Variants in EPB41L4A observed in about 807,000 individuals in gnomAD.
EPB41L4A encodes the protein band 4.1-like protein 4A.
Under a neutral mutation model 108.6 loss-of-function variants are expected in EPB41L4A, and 100 were observed. That is an observed-to-expected ratio of 0.92 (90% CI 0.78 to 1.09). The LOEUF (loss-of-function observed/expected upper bound fraction) is 1.09. Ranked by LOEUF, EPB41L4A falls within the 50% of genes least tolerant of loss-of-function variation. The probability of loss-of-function intolerance (pLI) is 0.00; values close to 1 mark genes in which losing one functional copy is unlikely to be tolerated. For missense variants in EPB41L4A, 1,030 were observed against 842.7 expected (o/e 1.22, Z -2.75); for synonymous variants, 319 against 289.0 (o/e 1.10, Z -1.05).
At chr5:112,309,261 G>C (rs1252406823) in intron 1 of EPB41L4A, among the ~76,000 whole-genome samples, 4 of 152,116 alleles carry the variant, frequency 2.6e-5, no homozygotes, top group Non-Finnish European at 4.4e-5. Flanking sequence ...GGTTACTCCA[G>C]AACCAATACC....
chr5:112,166,049 GAAA>G (rs1191045173), intron 22 of EPB41L4A, among the ~76,000 whole-genome samples: 2 of 152,134 alleles, frequency 1.3e-5, no homozygotes, highest in Admixed American at 6.5e-5. Context: ...AGAATTACCA[GAAA>G]AAAAGTGCTA....
At chr5:112,237,717 C>G (rs1749450937) in intron 11 of EPB41L4A, among the ~76,000 whole-genome samples, 1 of 152,198 alleles carries the variant, frequency 6.6e-6, no homozygotes, top group Non-Finnish European at 1.5e-5. Flanking sequence ...TGCTTGCCCT[C>G]TTTTGACAAT....
chr5:112,295,376 T>C (rs1428780615), intron 2 of EPB41L4A, among the ~76,000 whole-genome samples: 1 of 152,212 alleles, frequency 6.6e-6, no homozygotes, highest in Non-Finnish European at 1.5e-5. Context: ...TCCCAAAGGA[T>C]ACATGGGTAA....
chr5:112,377,580 A>G (rs908761008), intron 1 of EPB41L4A, among the ~76,000 whole-genome samples: 1 of 152,168 alleles, frequency 6.6e-6, no homozygotes, highest in Non-Finnish European at 1.5e-5. Context: ...CAGCAACTCA[A>G]CCAATTTTAT....
At chr5:112,149,733 A>ATTG (rs1759395342) in intron 12 of EPB41L4A, among the ~76,000 whole-genome samples, 1 of 152,194 alleles carries the variant, frequency 6.6e-6, no homozygotes, top group South Asian at 2.1e-4. Flanking sequence ...ATTTTAAAAT[A>ATTG]TTGTTCTAAA....
intron 4 of EPB41L4A, among the ~76,000 whole-genome samples, chr5:112,267,234 A>G (rs1459457789): frequency 6.6e-6 from 1 of 152,106 alleles, no homozygotes; most frequent in Non-Finnish European, 1.5e-5. Flanking sequence ...ACTCTCACAC[A>G]CTTCAGCCTG....
intron 1 of EPB41L4A, among the ~76,000 whole-genome samples, chr5:112,329,865 C>A (rs959259212): frequency 5.3e-5 from 8 of 151,964 alleles, no homozygotes; most frequent in Admixed American, 2.6e-4. Flanking sequence ...GGGTTATCTG[C>A]CACATCAAAA....
intron 13 of EPB41L4A, 50 bp downstream of exon 13, chr5:112,209,842 A>G (rs1019547906): frequency 2.5e-6 from 3 of 1,191,586 alleles, no homozygotes; most frequent in African/African-American, 3.1e-5. Flanking sequence ...GAAAAAAAGC[A>G]TTTTTACAAC....
At chr5:112,308,494 C>T (rs192876079) in intron 1 of EPB41L4A, among the ~76,000 whole-genome samples, 96 of 152,290 alleles carry the variant, frequency 6.3e-4, no homozygotes, top group African/African-American at 2.2e-3. Context: ...CCAGGGTGTA[C>T]ACACCAAGAA....
Position 112,307,487 on chromosome 5 carries a change from A to C in EPB41L4A, c.103T>G (p.Ser35Ala), listed in dbSNP as rs1754771113. The C allele has an allele frequency of 1.2e-6, 2 of 1,607,682 alleles. No individual in the cohort carries two copies. Among genetic ancestry groups the C allele is most frequent in the South Asian group, 2.2e-5 (2 of 90,898 alleles). The change falls in exon 2 of 23, where the codon TCA becomes GCA. Residue 35 changes from serine (S) to alanine (A), a missense_variant. Ser to Ala is a moderately conservative substitution (Grantham distance 99, BLOSUM62 1). Coordinates refer to ENST00000261486, the MANE Select transcript of EPB41L4A (RefSeq NM_022140.5). The stretch of plus-strand genomic sequence containing the variant: ...TCAAGGACAACGGAACCTTTCGTTG[A>C]CTTCTGCAAAAATAATTCAGTTTTA... ...LTTQQQGIKK[S>A]TKGSVVLDHV...
At chr5:112,353,252 T>C (rs1413715084) in intron 1 of EPB41L4A, among the ~76,000 whole-genome samples, 1 of 151,820 alleles carries the variant, frequency 6.6e-6, no homozygotes, top group Non-Finnish European at 1.5e-5. Context: ...AACCAAGCAG[T>C]GAACCAAGCA....
chr5:112,192,511 T>C (rs967399265), intron 17 of EPB41L4A, among the ~76,000 whole-genome samples: 2 of 152,250 alleles, frequency 1.3e-5, no homozygotes, highest in African/African-American at 4.8e-5. Flanking sequence ...TTGAAAGCTA[T>C]TTCTCATTAC....
At chr5:112,329,779 TG>T (rs1271887052) in intron 1 of EPB41L4A, among the ~76,000 whole-genome samples, 1 of 152,022 alleles carries the variant, frequency 6.6e-6, no homozygotes, top group African/African-American at 2.4e-5. Flanking sequence ...TAAGCCATTG[TG>T]GGGGAAATAC....
chr5:112,321,128 G>C (rs968092380), intron 1 of EPB41L4A, among the ~76,000 whole-genome samples: 1 of 152,158 alleles, frequency 6.6e-6, no homozygotes, highest in Admixed American at 6.5e-5. Flanking sequence ...GCTAGATGGA[G>C]AGGCAATTCT....
intron 1 of EPB41L4A, among the ~76,000 whole-genome samples, chr5:112,384,416 T>C (rs751590613): frequency 3.6e-4 from 55 of 152,036 alleles, no homozygotes; most frequent in Non-Finnish European, 6.6e-4. Flanking sequence ...AAAAAGTATA[T>C]AACATTCGCA....
rs563668737 is a variant in EPB41L4A, at chr5:112,355,750, T to C, written c.100-48260A>G. On this transcript the variant is annotated intron_variant, in intron 1 of 22. Coordinates refer to ENST00000261486, the MANE Select transcript of EPB41L4A (RefSeq NM_022140.5). The stretch of plus-strand genomic sequence containing the variant: ...AGGGATGCTCTTCTTAGAGATATAC[T>C]GAGAGATCTTAGAACTGGAAACAAA... Among the ~76,000 whole-genome samples the C allele has an allele frequency of 1.1e-4, 16 of 152,338 alleles. No individual in the cohort carries two copies. In the East Asian group the frequency reaches 3.1e-3, roughly 29 times the overall value.
intron 9 of EPB41L4A, among the ~76,000 whole-genome samples, chr5:112,255,030 G>C (rs559009802): frequency 6.6e-6 from 1 of 152,034 alleles, no homozygotes; most frequent in African/African-American, 2.4e-5. Flanking sequence ...AAAGTGGGAA[G>C]GATCCTTCCT....
intron 2 of EPB41L4A, among the ~76,000 whole-genome samples, chr5:112,291,406 C>T (rs1266956999): frequency 6.6e-6 from 1 of 152,212 alleles, no homozygotes; most frequent in Non-Finnish European, 1.5e-5. Context: ...TCTCTTCTAA[C>T]CACCTGTGGT....
intron 12 of EPB41L4A, among the ~76,000 whole-genome samples, chr5:112,151,790 G>A (rs1027236854): frequency 1.3e-5 from 2 of 151,994 alleles, no homozygotes; most frequent in African/African-American, 2.4e-5. Flanking sequence ...GAGTGCAATG[G>A]CACGATCTCA....
Sources: gnomAD v4.1 joint callset for allele counts (sites outside exome capture counted in the v4.1 genomes callset) on GRCh38, gnomAD v4.1.1 for gene constraint, MANE v1.5 for transcripts, NCBI Gene and HGNC (gene_info 2026-07-23, HGNC 2026-07-21) for gene names.